Variants in PREPL observed in about 807,000 individuals in gnomAD.
PREPL encodes the protein prolyl endopeptidase-like.
In PREPL, 77 loss-of-function variants were observed where a neutral mutation model predicts 70.6. The observed-to-expected ratio is 1.09, with a 90% CI of 0.91 to 1.32. PREPL has a LOEUF of 1.32. PREPL is among the 40% of genes most tolerant of loss of function. The pLI, the probability that PREPL is intolerant of heterozygous loss-of-function variation, is 0.00. For synonymous variants in PREPL, 315 were observed against 264.8 expected, an observed-to-expected ratio of 1.19 and a Z score of -1.84; for missense variants, 1,002 against 778.2, an observed-to-expected ratio of 1.29 and a Z score of -3.42.
chr2:44,359,509 G>A, intron 1 of PREPL: 1 of 1,608,080 alleles, frequency 6.2e-7, no homozygotes, highest in South Asian at 1.1e-5. Context: ...TACATGAGAA[G>A]CTCCGACTTG....
At chr2:44,326,974 T>C (rs1433043975) in intron 9 of PREPL, 46 bp from the exon 10 acceptor site, 1 of 1,524,124 alleles carries the variant, frequency 6.6e-7, no homozygotes, top group Non-Finnish European at 9.0e-7. Flanking sequence ...AAAAAGTTAA[T>C]ACTGTAGGCT....
intron 8 of PREPL, among the ~76,000 whole-genome samples, chr2:44,331,730 A>C (rs571555290): frequency 2.0e-5 from 3 of 152,126 alleles, no homozygotes; most frequent in Non-Finnish European, 2.9e-5. Flanking sequence ...CAGTCAGTAC[A>C]TTATTAATGA....
In PREPL at chr2:44,319,973, T is replaced by A; in HGVS notation, c.*1383A>T. 1 of 539,030 alleles carries A rather than the reference T, an allele frequency of 1.9e-6. No individual in the cohort carries two copies. The highest frequency in any genetic ancestry group is 2.1e-5 in the South Asian group (1 of 48,006). The allele number at this position is 539,030 out of a possible 1,614,324, so 33.4% of individuals were successfully genotyped here. A position where few individuals can be genotyped will look rare whatever the true frequency, so the allele number is the denominator to read the frequency against. On this transcript the variant is annotated 3_prime_UTR_variant, in exon 14 of 14. Coordinates refer to ENST00000409411, the MANE Select transcript of PREPL (RefSeq NM_001171613.2). ...AACTCTACAATGTAGCAGAGCACTG[T>A]GCGTACTTATTGACTCCCAGACAAG... is the stretch of plus-strand genomic sequence containing the variant.
intron 1 of PREPL, chr2:44,360,414 C>G (rs1026577790): frequency 3.9e-5 from 6 of 152,142 alleles, no homozygotes; most frequent in African/African-American, 1.4e-4. Context: ...AGCTGTATAG[C>G]AAAAAATCCA....
chr2:44,330,949 T>C (rs1674024704), intron 8 of PREPL, among the ~76,000 whole-genome samples: 1 of 152,132 alleles, frequency 6.6e-6, no homozygotes, highest in Non-Finnish European at 1.5e-5. Context: ...CCTTTATATT[T>C]GTTCTTTTTC....
In PREPL at chr2:44,320,417, G is replaced by A. The variant is rs376256364; in HGVS notation, c.*939C>T. ...TGTTAAATCTACATAATATGATTTC[G>A]GGCCTTCCCGCTAAAATGAGAATAA... On this transcript the variant is annotated 3_prime_UTR_variant, in exon 14 of 14. Transcript: ENST00000409411. The A allele has an allele frequency of 1.4e-5, 23 of 1,613,824 alleles. No homozygotes were observed. The highest frequency in any genetic ancestry group is 1.6e-4 in the Middle Eastern group (1 of 6,082).
In PREPL at chr2:44,321,029, A is replaced by G; in HGVS notation, c.*327T>C. 4 of 389,888 alleles carry G rather than the reference A, an allele frequency of 1.0e-5. No individual in the cohort carries two copies. Among genetic ancestry groups the G allele is most frequent in the South Asian group, 5.7e-5 (2 of 34,950 alleles). 24.2% of individuals were successfully genotyped at this position (389,888 alleles called of 1,614,324 possible). On this transcript the variant is annotated 3_prime_UTR_variant, in exon 14 of 14. Coordinates refer to ENST00000409411, the MANE Select transcript of PREPL (RefSeq NM_001171613.2). The stretch of plus-strand genomic sequence containing the variant: ...GCATTTGCTAGCAAAGAGGCAGGAC[A>G]CTAATTTGTAAACTGCTCAACTGTT...
chr2:44,351,461 CA>C (rs765002173), intron 1 of PREPL, among the ~76,000 whole-genome samples: 1 of 151,216 alleles, frequency 6.6e-6, no homozygotes, highest in African/African-American at 2.4e-5. Context: ...TCTAATATGC[CA>C]AAAAATGTCC....
At chr2:44,345,628 G>C (rs905527203) in intron 2 of PREPL, among the ~76,000 whole-genome samples, 2 of 152,118 alleles carry the variant, frequency 1.3e-5, no homozygotes, top group Non-Finnish European at 2.9e-5. Context: ...GATTACAGGC[G>C]TGAGCCACTG....
chr2:44,334,697 C>T (rs1459311064), intron 7 of PREPL, among the ~76,000 whole-genome samples: 1 of 152,166 alleles, frequency 6.6e-6, no homozygotes, highest in Non-Finnish European at 1.5e-5. Flanking sequence ...AGGCACCTGC[C>T]ACCACGCCTG....
Position 44,359,881 on chromosome 2 carries a change from CTGA to C in PREPL, c.-49+1496_-49+1498del, listed in dbSNP as rs1572596590. On this transcript the variant is annotated intron_variant, in intron 1 of 13. Coordinates refer to ENST00000409411, the MANE Select transcript of PREPL (RefSeq NM_001171613.2). Reference sequence around the variant, plus strand: ...TTAGGTTATGAATAACTTCAGACAGCTGATAACTTAGGCTAACTAAATCTAAAA... The same window carrying C: ...TTAGGTTATGAATAACTTCAGACAGCTAACTTAGGCTAACTAAATCTAAAA... 6.9e-6 allele frequency: 4 copies of C among 577,414 alleles called. No individual in the cohort carries two copies. The East Asian group carries it at 8.5e-5, about 12-fold the overall frequency. The allele number at this position is 577,414 out of a possible 1,614,324, so 35.8% of individuals were successfully genotyped here.
intron 1 of PREPL, among the ~76,000 whole-genome samples, chr2:44,354,866 C>G (rs1175144769): frequency 6.6e-6 from 1 of 152,208 alleles, no homozygotes; most frequent in Non-Finnish European, 1.5e-5. Flanking sequence ...CGTGAGGCGC[C>G]ACGCCCGGCC....
At chr2:44,350,921 C>T (rs890446929) in intron 1 of PREPL, among the ~76,000 whole-genome samples, 2 of 151,848 alleles carry the variant, frequency 1.3e-5, no homozygotes, top group African/African-American at 2.4e-5. Flanking sequence ...TTCACTGGCC[C>T]TTCCTTCTCA....
At chr2:44,332,840 T>G (rs746622101) in intron 7 of PREPL, among the ~76,000 whole-genome samples, 184 bp from the exon 8 acceptor site, 6 of 152,202 alleles carry the variant, frequency 3.9e-5, no homozygotes, top group Non-Finnish European at 8.8e-5. Context: ...AACAAAACTG[T>G]ACATTAATGA....
At position 44,317,965 on chromosome 2, in the gene PREPL, TAG is replaced by T. The variant is rs1386487601; in HGVS notation, c.*3389_*3390del. 1 of 267,434 alleles carries T rather than the reference TAG, an allele frequency of 3.7e-6. No homozygotes were observed. The highest frequency in any genetic ancestry group is 1.4e-4 in the East Asian group (1 of 7,264). 16.6% of individuals were successfully genotyped at this position (267,434 alleles called of 1,614,324 possible). On this transcript the variant is annotated 3_prime_UTR_variant, in exon 14 of 14. Coordinates refer to ENST00000409411, the MANE Select transcript of PREPL (RefSeq NM_001171613.2). ...AAATGAAGATATAGCAAGCAAATAATAGAAAGCTTGCAACCCAGCTATAGCTA... is the reference window on the plus strand; with the variant it reads ...AAATGAAGATATAGCAAGCAAATAATAAAGCTTGCAACCCAGCTATAGCTA...
chr2:44,346,484 C>T, intron 1 of PREPL, 94 bp from the exon 2 acceptor site: 2 of 1,180,982 alleles, frequency 1.7e-6, no homozygotes, highest in East Asian at 2.4e-5. Context: ...GTAGACTTAA[C>T]GTTGTACAAA....
intron 1 of PREPL, chr2:44,359,741 C>T (rs1677461405): frequency 6.7e-7 from 1 of 1,483,198 alleles, no homozygotes; most frequent in Non-Finnish European, 9.4e-7. Flanking sequence ...GGTTTATGCT[C>T]CTTTTGGGGC....
chr2:44,321,945 C>A (rs759820302), intron 12 of PREPL, 45 bp from the exon 13 acceptor site: 2 of 1,567,622 alleles, frequency 1.3e-6, no homozygotes, highest in Admixed American at 1.8e-5. Context: ...TGTATGGGAT[C>A]TTCTTTGGAA....
chr2:44,338,218 C>CTAAATTCCATT, intron 7 of PREPL, 133 bp downstream of exon 7: 1 of 871,294 alleles, frequency 1.1e-6, no homozygotes, highest in Non-Finnish European at 1.7e-6. Flanking sequence ...AGTGACTTTG[C>CTAAATTCCATT]TAAATTCCAT....
Sources: gnomAD v4.1 joint callset for allele counts (sites outside exome capture counted in the v4.1 genomes callset) on GRCh38, gnomAD v4.1.1 for gene constraint, MANE v1.5 for transcripts, NCBI Gene and HGNC (gene_info 2026-07-23, HGNC 2026-07-21) for gene names.